ZNF704: variants seen among roughly 807,000 people sequenced by gnomAD.
The protein encoded by ZNF704 is glucocorticoid induced gene 1.
ZNF704 carries 10 observed loss-of-function variants against 44.7 expected under a neutral mutation model. The observed-to-expected ratio is 0.22, with a 90% CI of 0.14 to 0.38. The LOEUF (loss-of-function observed/expected upper bound fraction) is 0.38, where lower values mean the gene tolerates loss of function less well. ZNF704 is among the 10% of genes least tolerant of loss of function. ZNF704 has a pLI of 1.00. For synonymous variants in ZNF704, 211 were observed against 207.6 expected, an observed-to-expected ratio of 1.02 and a Z score of -0.14; for missense variants, 390 against 545.5, an observed-to-expected ratio of 0.71 and a Z score of 2.84.
chr8:80,749,140 C>T (rs778631954), intron 2 of ZNF704, among the ~76,000 whole-genome samples: 5 of 152,126 alleles, frequency 3.3e-5, no homozygotes, highest in Non-Finnish European at 5.9e-5. Flanking sequence ...AAATGACCAA[C>T]AGCCTTCACC....
At chr8:80,860,531 T>G (rs1586081535) in intron 1 of ZNF704, among the ~76,000 whole-genome samples, 1 of 152,228 alleles carries the variant, frequency 6.6e-6, no homozygotes, top group Non-Finnish European at 1.5e-5. Context: ...ACATTTTGTA[T>G]GGAAAAAATA....
chr8:80,641,533 T>C (rs1179648986), intron 8 of ZNF704, 56 bp from the exon 9 acceptor site: 2 of 1,126,564 alleles, frequency 1.8e-6, no homozygotes, highest in Non-Finnish European at 2.5e-6. Flanking sequence ...GGGCATTCTA[T>C]GGAGAGCTCA....
At chr8:80,787,184 C>A (rs1181357560) in intron 2 of ZNF704, among the ~76,000 whole-genome samples, 1 of 152,216 alleles carries the variant, frequency 6.6e-6, no homozygotes, top group Non-Finnish European at 1.5e-5. Flanking sequence ...TAGGAAGCAT[C>A]TGGGATACCA....
intron 1 of ZNF704, among the ~76,000 whole-genome samples, chr8:80,869,356 CT>C (rs1459262292): frequency 6.6e-6 from 1 of 152,208 alleles, no homozygotes; most frequent in Non-Finnish European, 1.5e-5. Context: ...AGTACATTTG[CT>C]CTCAATGCCT....
the ZNF704 span, among the ~76,000 whole-genome samples, chr8:80,881,653 C>A: frequency 1.3e-5 from 2 of 152,120 alleles, no homozygotes; most frequent in African/African-American, 2.4e-5. Context: ...ATAGGCAGGG[C>A]GCAGTGGCTC....
At chr8:80,825,543 C>G (rs1808356507) in intron 1 of ZNF704, among the ~76,000 whole-genome samples, 2 of 152,162 alleles carry the variant, frequency 1.3e-5, no homozygotes, top group Non-Finnish European at 2.9e-5. Flanking sequence ...CAAGGATATT[C>G]AGGAATTGAA....
At chr8:80,800,893 C>A (rs573703956) in intron 2 of ZNF704, among the ~76,000 whole-genome samples, 25 of 152,186 alleles carry the variant, frequency 1.6e-4, no homozygotes, top group African/African-American at 5.8e-4. Context: ...CAAGACCCAT[C>A]AGTATGCTGT....
At chr8:80,813,108 T>A (rs909616877) in intron 2 of ZNF704, among the ~76,000 whole-genome samples, 9 of 152,364 alleles carry the variant, frequency 5.9e-5, no homozygotes, top group African/African-American at 2.2e-4. Flanking sequence ...ATCCAATCTG[T>A]GCAACAAAGC....
At position 80,687,194 on chromosome 8, in the gene ZNF704, G is replaced by C. The variant is rs183161954; in HGVS notation, c.558+32C>G. 8.9e-5 allele frequency: 141 copies of C among 1,586,698 alleles called. No individual in the cohort carries two copies. In the Admixed American group the frequency reaches 2.4e-3, roughly 27 times the overall value. ...GGACAGAAAGCACCTTCAGGAAACT[G>C]AATGCAGAAGACCGCGTGGCTGACC... On this transcript the variant is annotated intron_variant, in intron 4 of 8. Transcript: ENST00000327835.
chr8:80,818,894 G>A (rs146127364), intron 2 of ZNF704, among the ~76,000 whole-genome samples: 2 of 152,194 alleles, frequency 1.3e-5, no homozygotes, highest in African/African-American at 4.8e-5. Flanking sequence ...TGGGAAGTCC[G>A]ACATTTATTA....
intron 2 of ZNF704, among the ~76,000 whole-genome samples, chr8:80,781,461 A>C (rs1807521907): frequency 2.0e-5 from 3 of 152,196 alleles, no homozygotes; most frequent in South Asian, 2.1e-4. Flanking sequence ...ATGAAATATT[A>C]TTCTTCTTTT....
At chr8:80,712,046 A>G (rs1818995460) in intron 2 of ZNF704, among the ~76,000 whole-genome samples, 1 of 152,246 alleles carries the variant, frequency 6.6e-6, no homozygotes, top group Admixed American at 6.5e-5. Flanking sequence ...TGGAAACTTA[A>G]TCCCCAATGC....
intron 2 of ZNF704, among the ~76,000 whole-genome samples, chr8:80,766,969 T>C (rs1807238344): frequency 6.6e-6 from 1 of 152,048 alleles, no homozygotes; most frequent in South Asian, 2.1e-4. Context: ...CACCTCAGCC[T>C]CCCAAAGTGC....
At chr8:80,687,178 G>T (rs750541092) in intron 4 of ZNF704, 48 bp downstream of exon 4, 1 of 1,544,096 alleles carries the variant, frequency 6.5e-7, no homozygotes, top group South Asian at 1.2e-5. Context: ...GGGACAGAAA[G>T]CACCTTCAGG....
chr8:80,831,678 G>A (rs1011839508), intron 1 of ZNF704, among the ~76,000 whole-genome samples: 1 of 152,182 alleles, frequency 6.6e-6, no homozygotes, highest in Non-Finnish European at 1.5e-5. Context: ...AGTATGCACA[G>A]CACTAACAAA....
At position 80,655,309 on chromosome 8, in the gene ZNF704, C is replaced by T. The variant is rs544565048; in HGVS notation, c.1032+4276G>A. 4.0e-5 allele frequency among the ~76,000 whole-genome samples: 6 copies of T among 151,390 alleles called. No individual in the cohort carries two copies. The South Asian group carries it at 1.3e-3, about 32-fold the overall frequency. The stretch of plus-strand genomic sequence containing the variant: ...ATGTAACAAACCTGCACGTTGGGCA[C>T]ATGTACCCTAAAACTTTAATTTAAA... On this transcript the variant is annotated intron_variant, in intron 7 of 8. Coordinates refer to ENST00000327835, the MANE Select transcript of ZNF704 (RefSeq NM_001033723.3).
rs375301805 is a variant in ZNF704 at position 80,867,696 on chromosome 8, T to C, written c.-22+6875A>G. Reference sequence around the variant, plus strand: ...TGCAAGACACATACTTGTTAGCAAATTGGAATTCAGTGTTTGCTGCACAGT... The same window carrying C: ...TGCAAGACACATACTTGTTAGCAAACTGGAATTCAGTGTTTGCTGCACAGT... On this transcript the variant is annotated intron_variant, in intron 1 of 8. Coordinates refer to ENST00000327835, the MANE Select transcript of ZNF704 (RefSeq NM_001033723.3). Among the ~76,000 whole-genome samples the C allele has an allele frequency of 7.9e-5, 12 of 152,174 alleles. No homozygotes were observed. The East Asian group carries it at 1.2e-3, about 15-fold the overall frequency.
At chr8:80,804,940 T>C (rs1807964952) in intron 2 of ZNF704, among the ~76,000 whole-genome samples, 1 of 152,322 alleles carries the variant, frequency 6.6e-6, no homozygotes, top group African/African-American at 2.4e-5. Flanking sequence ...ACCTGTGGTA[T>C]ACTACTTGAT....
At chr8:80,656,170 G>GCT (rs989174142) in intron 7 of ZNF704, among the ~76,000 whole-genome samples, 29 of 152,138 alleles carry the variant, frequency 1.9e-4, no homozygotes, top group African/African-American at 6.5e-4. Flanking sequence ...ATGTGCTTGT[G>GCT]CTCTCTCTCT....
Sources: gnomAD v4.1 joint callset for allele counts (sites outside exome capture counted in the v4.1 genomes callset) on GRCh38, gnomAD v4.1.1 for gene constraint, MANE v1.5 for transcripts, NCBI Gene and HGNC (gene_info 2026-07-23, HGNC 2026-07-21) for gene names.